Variants in EPS15 observed in about 807,000 individuals in gnomAD.
The protein encoded by EPS15 is epidermal growth factor receptor substrate 15.
A neutral mutation model predicts 113.8 loss-of-function variants in EPS15; 72 were observed. That is an observed-to-expected ratio of 0.63 (90% CI 0.52 to 0.77). EPS15 has a LOEUF of 0.77. EPS15 is among the 30% of genes least tolerant of loss of function. The pLI, the probability that EPS15 is intolerant of heterozygous loss-of-function variation, is 0.00. For missense variants in EPS15, 1,048 were observed against 1,045.8 expected, an observed-to-expected ratio of 1.00 and a Z score of -0.03; for synonymous variants, 344 against 363.4, an observed-to-expected ratio of 0.95 and a Z score of 0.61.
Position 51,409,664 on chromosome 1 carries a change from A to G in EPS15, c.1146T>C (p.Thr382=), listed in dbSNP as rs111302462. The G allele has an allele frequency of 6.2e-7, 1 of 1,612,134 alleles. No individual in the cohort carries two copies. Among genetic ancestry groups the G allele is most frequent in the African/African-American group, 1.3e-5 (1 of 74,878 alleles). The change falls in exon 14 of 25, where the codon ACT becomes ACC. Residue 382 remains threonine (T), a synonymous_variant. Transcript: ENST00000371733. ...DLQDEVQREN[T]NLQKLQAQKQ... ...TCTGGGCCTGTAGTTTTTGCAGATT[A>G]GTATTCTCCCTTTGAACTTCATCTT...
intron 24 of EPS15, among the ~76,000 whole-genome samples, chr1:51,357,418 ATATATATATT>A (rs1282255116): frequency 5.9e-4 from 41 of 68,928 alleles, no homozygotes; most frequent in Non-Finnish European, 7.6e-4. Flanking sequence ...ATATATATAT[ATATATATATT>A]TTTTTTTTTT....
intron 2 of EPS15, among the ~76,000 whole-genome samples, chr1:51,478,356 CAT>C (rs1398570291): frequency 2.0e-5 from 3 of 152,236 alleles, no homozygotes; most frequent in African/African-American, 7.2e-5. Context: ...TGTCTCTGCA[CAT>C]GAGATGGGTC....
At chr1:51,401,153 C>T (rs542902495) in intron 18 of EPS15, 200 bp from the exon 19 acceptor site, 3 of 421,698 alleles carry the variant, frequency 7.1e-6, no homozygotes, top group South Asian at 1.2e-4. Flanking sequence ...GTTGAGGTTA[C>T]GGATGGAGGG....
At chr1:51,446,304 T>A (rs1307658688) in intron 10 of EPS15, among the ~76,000 whole-genome samples, 1 of 152,226 alleles carries the variant, frequency 6.6e-6, no homozygotes, top group Non-Finnish European at 1.5e-5. Flanking sequence ...ATATACACTA[T>A]AAAATTATGC....
At chr1:51,445,067 A>G in intron 10 of EPS15, 22 bp from the exon 11 acceptor site, 1 of 1,607,486 alleles carries the variant, frequency 6.2e-7, no homozygotes, top group Non-Finnish European at 8.5e-7. Context: ...AACAAAATGA[A>G]TGGTATGTAA....
At chr1:51,414,965 C>G (rs542071959) in intron 13 of EPS15, among the ~76,000 whole-genome samples, 2 of 152,074 alleles carry the variant, frequency 1.3e-5, no homozygotes, top group Non-Finnish European at 2.9e-5. Context: ...CTTCATTTTA[C>G]AAATTTACCA....
rs1655341738 is a variant in EPS15, at chr1:51,472,893, T to A, written c.131A>T (p.Lys44Ile). The A allele has an allele frequency of 6.2e-7, 1 of 1,613,686 alleles. No individual in the cohort carries two copies. Among genetic ancestry groups the A allele is most frequent in the South Asian group, 1.1e-5 (1 of 91,074 alleles). The change falls in exon 3 of 25, where the codon AAA becomes ATA. Residue 44 changes from lysine (K) to isoleucine (I), a missense_variant. By Grantham distance (102) the Lys-to-Ile change is moderately radical. Coordinates refer to ENST00000371733, the MANE Select transcript of EPS15 (RefSeq NM_001981.3). ...VLASDAAAFLKKSGLPDLILG... is the reference protein window; with the variant it reads ...VLASDAAAFLIKSGLPDLILG... ...TATCAAGTCTGGAAGCCCTGATTTT[T>A]TCAGGAAAGCAGCAGCATCAGAAGC...
At chr1:51,373,015 G>A (rs368538375) in intron 21 of EPS15, 30 of 249,538 alleles carry the variant, frequency 1.2e-4, no homozygotes, top group East Asian at 1.1e-3. Flanking sequence ...GAAGATCAAC[G>A]ACCAAATGGC....
At chr1:51,467,424 C>G (rs1457030498) in intron 5 of EPS15, among the ~76,000 whole-genome samples, 1 of 152,030 alleles carries the variant, frequency 6.6e-6, no homozygotes, top group Non-Finnish European at 1.5e-5. Context: ...TCAAAATAAA[C>G]TAAAAGCCTA....
rs1042466859 is a variant in EPS15 at position 51,450,746 on chromosome 1, C to T, written c.562-2611G>A. ...TCTGGGAATCTATCCATATGAAATGCTGTATGAAAAAGATTAATTGCAGCA... is the reference window on the plus strand; with the variant it reads ...TCTGGGAATCTATCCATATGAAATGTTGTATGAAAAAGATTAATTGCAGCA... On this transcript the variant is annotated intron_variant, in intron 8 of 24. Coordinates refer to ENST00000371733, the MANE Select transcript of EPS15 (RefSeq NM_001981.3). Among the ~76,000 whole-genome samples the T allele has an allele frequency of 1.1e-4, 17 of 151,742 alleles. 1 individual carries two copies. The highest frequency in any genetic ancestry group is 4.1e-4 in the African/African-American group (17 of 41,050).
intron 21 of EPS15, among the ~76,000 whole-genome samples, chr1:51,375,754 T>C (rs1190941309): frequency 6.6e-6 from 1 of 152,220 alleles, no homozygotes; most frequent in Non-Finnish European, 1.5e-5. Flanking sequence ...AAAGTTTTCA[T>C]GTCAAGTGGA....
intron 13 of EPS15, among the ~76,000 whole-genome samples, chr1:51,416,217 C>T (rs1379810425): frequency 6.6e-6 from 1 of 152,088 alleles, no homozygotes; most frequent in African/African-American, 2.4e-5. Flanking sequence ...TGGGAACATC[C>T]TTTCCTGGGT....
intron 13 of EPS15, among the ~76,000 whole-genome samples, chr1:51,412,567 C>T (rs994593890): frequency 3.9e-5 from 6 of 152,138 alleles, no homozygotes; most frequent in African/African-American, 1.4e-4. Flanking sequence ...TCCTTTAGTA[C>T]TTTATCATTA....
At chr1:51,381,831 C>CTAGAA in intron 21 of EPS15, among the ~76,000 whole-genome samples, 1 of 152,210 alleles carries the variant, frequency 6.6e-6, no homozygotes, top group South Asian at 2.1e-4. Context: ...CTGAGATAAA[C>CTAGAA]TTCTAACTAT....
At chr1:51,374,994 T>C (rs1646757333) in intron 21 of EPS15, among the ~76,000 whole-genome samples, 1 of 144,952 alleles carries the variant, frequency 6.9e-6, no homozygotes, top group Admixed American at 6.8e-5. Flanking sequence ...TTTAATATAC[T>C]TCTTTTTTTT....
At chr1:51,383,301 T>C (rs1646983374) in intron 21 of EPS15, among the ~76,000 whole-genome samples, 1 of 152,228 alleles carries the variant, frequency 6.6e-6, no homozygotes, top group Non-Finnish European at 1.5e-5. Context: ...GCTGAAACCA[T>C]TTCTCTACAA....
intron 21 of EPS15, among the ~76,000 whole-genome samples, chr1:51,381,547 C>T (rs898499790): frequency 1.3e-5 from 2 of 152,020 alleles, no homozygotes; most frequent in African/African-American, 2.4e-5. Flanking sequence ...GAGCTGAGAT[C>T]GCGCCATTGC....
At chr1:51,443,701 T>C (rs961813441) in intron 11 of EPS15, among the ~76,000 whole-genome samples, 2 of 151,970 alleles carry the variant, frequency 1.3e-5, no homozygotes, top group Non-Finnish European at 2.9e-5. Flanking sequence ...CCGGCTGGAG[T>C]GTAGCAGTTG....
rs572060639 is a variant in EPS15, at chr1:51,380,782, T to C, written c.2119+13599A>G. 5.9e-5 allele frequency among the ~76,000 whole-genome samples: 9 copies of C among 152,148 alleles called. No homozygotes were observed. In the South Asian group the frequency reaches 1.5e-3, roughly 25 times the overall value. On this transcript the variant is annotated intron_variant, in intron 21 of 24. Coordinates refer to ENST00000371733, the MANE Select transcript of EPS15 (RefSeq NM_001981.3). Reference sequence around the variant, plus strand: ...AAAAAAAATGCAAAACACAACTACATGCTGTATAAGAGAGATTCACTTTAG... The same window carrying C: ...AAAAAAAATGCAAAACACAACTACACGCTGTATAAGAGAGATTCACTTTAG...
Sources: gnomAD v4.1 joint callset for allele counts (sites outside exome capture counted in the v4.1 genomes callset) on GRCh38, gnomAD v4.1.1 for gene constraint, MANE v1.5 for transcripts, NCBI Gene and HGNC (gene_info 2026-07-23, HGNC 2026-07-21) for gene names.